The following SCAP variants were observed in gnomAD, a reference collection of about 807,000 sequenced individuals.
The protein encoded by SCAP is SREBF chaperone, also known as sterol regulatory element-binding protein cleavage-activating protein.
A neutral mutation model predicts 123.6 loss-of-function variants in SCAP; 65 were observed. The ratio of observed to expected loss-of-function variants is 0.53; its 90% CI spans 0.43 to 0.65. The LOEUF is 0.65. SCAP is among the 30% of genes least tolerant of loss of function. The pLI is 0.00. For synonymous variants in SCAP, 740 were observed against 726.3 expected (o/e 1.02, Z -0.30); for missense variants, 1,398 against 1,712.5 (o/e 0.82, Z 3.24).
In SCAP at chr3:47,418,643, C is replaced by CCCCCCCCGAA; in HGVS notation, c.2129+11_2129+12insTTCGGGGGGG. The CCCCCCCCGAA allele has an allele frequency of 1.2e-6, 2 of 1,601,444 alleles. No individual in the cohort carries two copies. Among genetic ancestry groups the CCCCCCCCGAA allele is most frequent in the Non-Finnish European group, 1.7e-6 (2 of 1,174,094 alleles). ...GCACTCTTTCCCACCCCACCCCACC[C>CCCCCCCCGAA]AGCAGCCTTACTTGTACAGCGTGAC... is the stretch of plus-strand genomic sequence containing the variant. On this transcript the variant is annotated intron_variant, in intron 14 of 22. Coordinates refer to ENST00000265565, the MANE Select transcript of SCAP (RefSeq NM_012235.4).
intron 10 of SCAP, 61 bp downstream of exon 10, chr3:47,422,381 C>T (rs957522755): frequency 4.1e-5 from 60 of 1,473,794 alleles, no homozygotes; most frequent in Non-Finnish European, 5.5e-5. Flanking sequence ...CATGGCTGCA[C>T]AGCTGGGGAG....
intron 1 of SCAP, among the ~76,000 whole-genome samples, chr3:47,455,306 A>C (rs1219756408): frequency 6.6e-6 from 1 of 151,702 alleles, no homozygotes; most frequent in Non-Finnish European, 1.5e-5. Context: ...AAATCTCTGA[A>C]ACTCCCAGCA....
chr3:47,444,787 C>T (rs1706962631), intron 1 of SCAP, among the ~76,000 whole-genome samples: 1 of 133,320 alleles, frequency 7.5e-6, no homozygotes, highest in Non-Finnish European at 1.6e-5. Context: ...TACTTCATTA[C>T]TTTTTTTTTT....
chr3:47,417,669 C>T lies in SCAP; in HGVS notation c.2605G>A (p.Asp869Asn). ...ATTAAGCAGGTGAGGTCAGGCTGGTCCCCGAAGAGGGAAGGCGGCGGAGGG... is the reference window on the plus strand; with the variant it reads ...ATTAAGCAGGTGAGGTCAGGCTGGTTCCCGAAGAGGGAAGGCGGCGGAGGG... ...RGPPPPSLFG[D>N]QPDLTCLIDT... Residue 869 changes from aspartate to asparagine, a missense_variant, in exon 17 of 23, where the codon GAC (aspartate) becomes AAC (asparagine). This residue lies in a region of SCAP where 828 missense variants were observed against 882.5 expected (regional missense o/e 0.94). Coordinates refer to ENST00000265565, the MANE Select transcript of SCAP (RefSeq NM_012235.4). 1 of 1,608,550 alleles carries T rather than the reference C, an allele frequency of 6.2e-7. No individual in the cohort carries two copies.
chr3:47,414,896 T>C lies in SCAP; in HGVS notation c.3237A>G (p.Gln1079=). The change falls in exon 20 of 23, where the codon CAA becomes CAG. Residue 1079 remains glutamine (Q), a synonymous_variant. Transcript: ENST00000265565. ...HLTHTVPCAH[Q]KPITALKAAA... ...CGGCTTTCAGGGCTGTGATGGGTTT[T>C]TGGTGTGCACAGGGCACTGTGTGGG... The C allele has an allele frequency of 1.2e-6, 2 of 1,612,908 alleles. No homozygotes were observed. Among genetic ancestry groups the C allele is most frequent in the Non-Finnish European group, 1.7e-6 (2 of 1,179,844 alleles).
intron 1 of SCAP, among the ~76,000 whole-genome samples, chr3:47,457,489 G>A (rs1707471730): frequency 1.3e-5 from 2 of 152,144 alleles, no homozygotes; most frequent in East Asian, 1.9e-4. Flanking sequence ...CTCACCTGGT[G>A]CTGAGCAGAA....
chr3:47,448,018 A>C (rs1014075874), intron 1 of SCAP, among the ~76,000 whole-genome samples: 1 of 151,318 alleles, frequency 6.6e-6, no homozygotes. Context: ...AAAAAAAAAA[A>C]AAAAAAAAAA....
Position 47,428,659 on chromosome 3 carries a change from G to C in SCAP, c.264C>G (p.Ala88=). 2 of 1,614,018 alleles carry C rather than the reference G, an allele frequency of 1.2e-6. No individual in the cohort carries two copies. The change falls in exon 4 of 23, where the codon GCC becomes GCG. Residue 88 remains alanine (A), a synonymous_variant. Coordinates refer to ENST00000265565, the MANE Select transcript of SCAP (RefSeq NM_012235.4). ...PTEQPEWYVG[A]PVAYVQQIFV... ...ATATCTGCTGGACATAAGCCACCGG[G>C]GCACCCACATACTGCAGAAGAAATG...
chr3:47,427,248 C>T lies in SCAP; in HGVS notation c.646G>A (p.Val216Ile), dbSNP rs763257244. 6.2e-7 allele frequency: 1 copy of T among 1,613,300 alleles called. No homozygotes were observed. Among genetic ancestry groups the T allele is most frequent in the Non-Finnish European group, 8.5e-7 (1 of 1,179,656 alleles). The change falls in exon 6 of 23, where the codon GTT becomes ATT. Residue 216 changes from valine to isoleucine, a missense_variant. Transcript: ENST00000265565. The stretch of plus-strand genomic sequence containing the variant: ...CTCACCCCGCTGTACTTCCCAGGAA[C>T]ACCAAATAACAAGTCTGCAAGCAGA... ...SATLKDLLFG[V>I]PGKYSGVSLY...
rs34472664 is a variant in SCAP, at chr3:47,473,080, C to CAA, written c.-99+2717_-99+2718dup. On this transcript the variant is annotated intron_variant, in intron 1 of 22. Transcript: ENST00000265565. ...GGGCAAGAAGAGCGAAACTCCATCT[C>CAA]AAAAAAAAAAAAAAAAAAACAGACT... Among the ~76,000 whole-genome samples, 213 of 38,050 alleles carry CAA rather than the reference C, an allele frequency of 5.6e-3. 30 individuals carry two copies. Among genetic ancestry groups the CAA allele is most frequent in the South Asian group, 0.05 (33 of 662 alleles). The allele number at this position is 38,050 out of a possible 152,430, so 25.0% of individuals were successfully genotyped here. A position where few individuals can be genotyped will look rare whatever the true frequency, so the allele number is the denominator to read the frequency against.
intron 1 of SCAP, among the ~76,000 whole-genome samples, chr3:47,451,315 C>T (rs1707222335): frequency 8.1e-6 from 1 of 122,780 alleles, no homozygotes; most frequent in African/African-American, 2.8e-5. Flanking sequence ...CTTTATGAGC[C>T]CCAATGCTGA....
At chr3:47,418,087 G>A (rs1705709793) in intron 16 of SCAP, 47 bp downstream of exon 16, 5 of 1,406,486 alleles carry the variant, frequency 3.6e-6, no homozygotes, top group Non-Finnish European at 3.9e-6. Flanking sequence ...GGGGTGGGGT[G>A]AGGGGGGTTG....
chr3:47,427,383 C>T, intron 5 of SCAP, 64 bp downstream of exon 5: 1 of 1,575,264 alleles, frequency 6.3e-7, no homozygotes, highest in South Asian at 1.1e-5. Context: ...CCTAAGCACA[C>T]ATCAAAAAGA....
intron 3 of SCAP, among the ~76,000 whole-genome samples, chr3:47,434,358 C>G (rs535065907): frequency 6.6e-6 from 1 of 152,308 alleles, no homozygotes; most frequent in Non-Finnish European, 1.5e-5. Flanking sequence ...CACAGATGAG[C>G]TAGTCAAGCT....
Position 47,420,737 on chromosome 3 carries a change from GGCC to G in SCAP, c.1377_1379del (p.Glu459_Ala460delinsAsp), listed in dbSNP as rs1705860242. On this transcript the variant is annotated inframe_deletion, in exon 12 of 23. Coordinates refer to ENST00000265565, the MANE Select transcript of SCAP (RefSeq NM_012235.4). This position sits in a 1 kb window ranked among gnomAD's most constrained non-coding sequence, Gnocchi z 5.0. Reference sequence around the variant, plus strand: ...CCACTGGCTTGGCTGAGGGCAGGCAGGCCTCAGGGGGCAGTCGCTTGTTCAGGT... The same window carrying G: ...CCACTGGCTTGGCTGAGGGCAGGCAGTCAGGGGGCAGTCGCTTGTTCAGGT... 1 of 1,610,812 alleles carries G rather than the reference GGCC, an allele frequency of 6.2e-7. No individual in the cohort carries two copies. The highest frequency in any genetic ancestry group is 1.3e-5 in the African/African-American group (1 of 74,872).
chr3:47,419,922 G>C lies in SCAP; in HGVS notation c.1564-218C>G, dbSNP rs1279866271. On this transcript the variant is annotated intron_variant, in intron 12 of 22. Coordinates refer to ENST00000265565, the MANE Select transcript of SCAP (RefSeq NM_012235.4). The surrounding 1 kb of genome is among the most constrained non-coding windows in gnomAD (Gnocchi z 5.0). ...GGGCCTGCTTGCCTTTCCACAGTTA[G>C]GGGCTGAGTTTCTTGGCCTGGAAAT... is the stretch of plus-strand genomic sequence containing the variant. Among the ~76,000 whole-genome samples the C allele has an allele frequency of 6.6e-6, 1 of 152,200 alleles. No individual in the cohort carries two copies. Among genetic ancestry groups the C allele is most frequent in the Non-Finnish European group, 1.5e-5 (1 of 68,032 alleles).
At chr3:47,416,921 C>G (rs759008659) in intron 18 of SCAP, among the ~76,000 whole-genome samples, 1 of 151,942 alleles carries the variant, frequency 6.6e-6, no homozygotes, top group South Asian at 2.1e-4. Flanking sequence ...CCACCGCGCC[C>G]GGCCACCCCT....
chr3:47,464,940 G>C (rs1438722459), intron 1 of SCAP, among the ~76,000 whole-genome samples: 2 of 152,068 alleles, frequency 1.3e-5, no homozygotes, highest in Non-Finnish European at 1.5e-5. Context: ...AAATGAACAT[G>C]CAAAAATCAG....
intron 1 of SCAP, among the ~76,000 whole-genome samples, chr3:47,458,119 C>T (rs909912866): frequency 4.6e-5 from 7 of 151,912 alleles, no homozygotes; most frequent in Non-Finnish European, 1.0e-4. Flanking sequence ...GAAACCCCGT[C>T]TCTACTAAAA....
Sources: gnomAD v4.1 joint callset for allele counts (sites outside exome capture counted in the v4.1 genomes callset) on GRCh38, gnomAD v4.1.1 for gene constraint, gnomAD v4.1.1 regional missense constraint, Gnocchi (gnomAD v3.1) non-coding constraint, MANE v1.5 for transcripts, NCBI Gene and HGNC (gene_info 2026-07-23, HGNC 2026-07-21) for gene names.